BCAS3: variants seen among roughly 807,000 people sequenced by gnomAD.
BCAS3 encodes BCAS4/BCAS3 fusion.
BCAS3 carries 53 observed loss-of-function variants against 116.1 expected under a neutral mutation model. That is an observed-to-expected ratio of 0.46 (90% CI 0.37 to 0.57). The LOEUF (loss-of-function observed/expected upper bound fraction) is 0.57, where lower values mean the gene tolerates loss of function less well. Ranked by LOEUF, BCAS3 falls within the 20% of genes least tolerant of loss-of-function variation. The pLI, the probability that BCAS3 is intolerant of heterozygous loss-of-function variation, is 0.00. For synonymous variants in BCAS3, 391 were observed against 408.2 expected, an observed-to-expected ratio of 0.96 and a Z score of 0.51; for missense variants, 917 against 1,165.4, an observed-to-expected ratio of 0.79 and a Z score of 3.10.
chr17:61,172,970 A>T (rs1467916380), intron 22 of BCAS3, among the ~76,000 whole-genome samples: 1 of 147,534 alleles, frequency 6.8e-6, no homozygotes, highest in African/African-American at 2.5e-5. Context: ...CCTGGGCGAC[A>T]GAGCAAGATT....
At chr17:60,902,344 C>G (rs559411866) in intron 10 of BCAS3, among the ~76,000 whole-genome samples, 2 of 152,320 alleles carry the variant, frequency 1.3e-5, no homozygotes, top group Admixed American at 1.3e-4. Flanking sequence ...AGACCCCAAT[C>G]CTACCATTTC....
intron 7 of BCAS3, among the ~76,000 whole-genome samples, chr17:60,825,755 T>G (rs1451434499): frequency 6.6e-6 from 1 of 151,550 alleles, no homozygotes. Flanking sequence ...CAACCTCTTT[T>G]GTAAGGTTGC....
At chr17:60,705,877 A>G (rs573368964) in intron 4 of BCAS3, among the ~76,000 whole-genome samples, 3 of 152,282 alleles carry the variant, frequency 2.0e-5, no homozygotes, top group Admixed American at 6.5e-5. Flanking sequence ...ACATTTTTAG[A>G]GAAATTTGCA....
chr17:60,702,563 C>T (rs1171409093), intron 4 of BCAS3, among the ~76,000 whole-genome samples: 1 of 151,960 alleles, frequency 6.6e-6, no homozygotes, highest in African/African-American at 2.4e-5. Context: ...AGGAATCTGG[C>T]CTAAGGACTA....
Position 61,079,344 on chromosome 17 carries a change from G to C in BCAS3, c.2327+815G>C, listed in dbSNP as rs937884927. On this transcript the variant is annotated intron_variant, in intron 21 of 23. Transcript: ENST00000407086. ...TGTTCCAGTTACATAGTGGAAATAC[G>C]TTTTTGTCTTCTTTGTCAGTAACAA... Among the ~76,000 whole-genome samples, 5 of 152,192 alleles carry C rather than the reference G, an allele frequency of 3.3e-5. No individual in the cohort carries two copies. The South Asian group carries it at 1.0e-3, about 32-fold the overall frequency.
chr17:60,906,001 C>T (rs1424405441), intron 11 of BCAS3, among the ~76,000 whole-genome samples: 2 of 152,180 alleles, frequency 1.3e-5, no homozygotes, highest in African/African-American at 4.8e-5. Context: ...TAAGAGGGAA[C>T]CTCTCGGTTG....
chr17:60,795,772 C>T (rs2047161390), intron 6 of BCAS3, among the ~76,000 whole-genome samples: 2 of 152,128 alleles, frequency 1.3e-5, no homozygotes, highest in Admixed American at 1.3e-4. Context: ...TCCCTGTAGC[C>T]TCCGCCTCCT....
intron 6 of BCAS3, among the ~76,000 whole-genome samples, chr17:60,775,578 ATTTC>A (rs2045203949): frequency 1.8e-5 from 1 of 54,220 alleles, no homozygotes. Flanking sequence ...ATATTTCAGA[ATTTC>A]TTTTTTTTTT....
At chr17:61,221,038 C>T (rs1431078151) in intron 22 of BCAS3, among the ~76,000 whole-genome samples, 2 of 152,070 alleles carry the variant, frequency 1.3e-5, no homozygotes, top group Non-Finnish European at 2.9e-5. Flanking sequence ...AGGCAGAGCT[C>T]GCAGTGAGCC....
At chr17:61,067,726 C>CAAA (rs377228440) in intron 19 of BCAS3, among the ~76,000 whole-genome samples, 17 of 108,976 alleles carry the variant, frequency 1.6e-4, no homozygotes, top group Non-Finnish European at 1.5e-4. Flanking sequence ...AACAAACAAA[C>CAAA]AAAAAAAAAA....
chr17:60,849,059 T>C (rs1599135768), intron 7 of BCAS3, among the ~76,000 whole-genome samples: 2 of 152,278 alleles, frequency 1.3e-5, no homozygotes, highest in South Asian at 2.1e-4. Flanking sequence ...TATTCCCCAG[T>C]ATATTAGTCA....
At chr17:61,090,106 A>T (rs2073429397) in intron 22 of BCAS3, among the ~76,000 whole-genome samples, 1 of 152,206 alleles carries the variant, frequency 6.6e-6, no homozygotes, top group Non-Finnish European at 1.5e-5. Flanking sequence ...CTACCATGCC[A>T]TTCACTTCTA....
chr17:60,717,220 T>C (rs547200138), intron 5 of BCAS3, among the ~76,000 whole-genome samples: 7 of 149,870 alleles, frequency 4.7e-5, no homozygotes, highest in African/African-American at 9.8e-5. Flanking sequence ...TCTTCTTCTT[T>C]TTTTTTTTTT....
At chr17:61,212,679 C>T (rs1044517957) in intron 22 of BCAS3, among the ~76,000 whole-genome samples, 2 of 152,216 alleles carry the variant, frequency 1.3e-5, no homozygotes, top group East Asian at 1.9e-4. Flanking sequence ...AAGATGCCTT[C>T]ATTTTTGCCT....
chr17:60,806,156 G>A (rs1364649826), intron 6 of BCAS3, among the ~76,000 whole-genome samples: 2 of 152,062 alleles, frequency 1.3e-5, no homozygotes, highest in Non-Finnish European at 2.9e-5. Context: ...GATTACAGGC[G>A]TGAGCCACTG....
Position 60,910,576 on chromosome 17 carries a change from G to C in BCAS3, c.867G>C (p.Gln289His), listed in dbSNP as rs753388947. The C allele has an allele frequency of 3.1e-6, 5 of 1,610,766 alleles. No homozygotes were observed. In the South Asian group the frequency reaches 5.5e-5, roughly 18 times the overall value. The change falls in exon 12 of 24, where the codon CAG becomes CAC. Residue 289 changes from glutamine to histidine, a missense_variant. By Grantham distance (24) the Gln-to-His change is conservative. Around this residue, in one of 3 missense-constraint regions of BCAS3, gnomAD observed 807 missense variants for 1,026.0 expected, o/e 0.79. Coordinates refer to ENST00000407086, the MANE Select transcript of BCAS3 (RefSeq NM_017679.5). Reference sequence around the variant, plus strand: ...CAATGGTAGGGAAAGTGGTGACTCAGCTGACAGGCACACTGCCTTCAGGTG... The same window carrying C: ...CAATGGTAGGGAAAGTGGTGACTCACCTGACAGGCACACTGCCTTCAGGTG... ...GLTMVGKVVT[Q>H]LTGTLPSGVT...
At chr17:61,166,739 C>T (rs971642298) in intron 22 of BCAS3, among the ~76,000 whole-genome samples, 1 of 152,000 alleles carries the variant, frequency 6.6e-6, no homozygotes, top group Non-Finnish European at 1.5e-5. Flanking sequence ...TTAGAGACAT[C>T]ATCTCACTCC....
chr17:60,909,546 T>C (rs186926763), intron 11 of BCAS3, among the ~76,000 whole-genome samples: 4 of 152,254 alleles, frequency 2.6e-5, no homozygotes, highest in Admixed American at 2.6e-4. Flanking sequence ...ATTTTTGATG[T>C]GTCTAAGTAT....
At chr17:60,691,015 C>T (rs911332059) in intron 4 of BCAS3, among the ~76,000 whole-genome samples, 1 of 152,040 alleles carries the variant, frequency 6.6e-6, no homozygotes, top group Non-Finnish European at 1.5e-5. Flanking sequence ...TTACTGCAAC[C>T]TGCGCCTCCT....
Sources: allele counts gnomAD v4.1 joint callset (sites outside exome capture counted in the v4.1 genomes callset), GRCh38; gene constraint gnomAD v4.1.1; regional missense constraint gnomAD v4.1.1; transcripts MANE v1.5; gene names NCBI Gene and HGNC (gene_info 2026-07-23, HGNC 2026-07-21).